The following SIMC1 variants were observed in gnomAD, a reference collection of about 807,000 sequenced individuals.
The protein encoded by SIMC1 is SUMO interacting motifs containing 1, also known as SUMO-interacting motif-containing protein 1.
Under a neutral mutation model 82.3 loss-of-function variants are expected in SIMC1, and 55 were observed. The ratio of observed to expected loss-of-function variants is 0.67; its 90% CI spans 0.54 to 0.84. SIMC1 has a LOEUF of 0.84. Among genes scored for constraint, SIMC1 ranks in the 40% least tolerant of loss-of-function variants. The probability of loss-of-function intolerance (pLI) is 0.00; values close to 1 mark genes in which losing one functional copy is unlikely to be tolerated. For synonymous variants in SIMC1, 353 were observed against 426.3 expected, an observed-to-expected ratio of 0.83 and a Z score of 2.12; for missense variants, 915 against 1,107.2, an observed-to-expected ratio of 0.83 and a Z score of 2.46.
At chr5:176,268,460 A>G (rs1228788894) in intron 1 of SIMC1, among the ~76,000 whole-genome samples, 2 of 136,136 alleles carry the variant, frequency 1.5e-5, no homozygotes, top group Non-Finnish European at 1.5e-5. Flanking sequence ...AGATGCAAAT[A>G]CACTGAGAGT....
At chr5:176,269,458 C>G (rs1409964038) in intron 1 of SIMC1, among the ~76,000 whole-genome samples, 1 of 152,198 alleles carries the variant, frequency 6.6e-6, no homozygotes, top group African/African-American at 2.4e-5. Flanking sequence ...AGTCATAAAA[C>G]TAACACAAGA....
At position 176,330,668 on chromosome 5, in the gene SIMC1, C is replaced by A. The variant is rs1765608779; in HGVS notation, c.2171+5911C>A. On this transcript the variant is annotated intron_variant, in intron 7 of 9. Transcript: ENST00000429602. ...AAAATAGGAATCTGTGATTCCAGTG[C>A]TGATAGGAAGAAAGAGACGGGACCC... Among the ~76,000 whole-genome samples, 3 of 151,996 alleles carry A rather than the reference C, an allele frequency of 2.0e-5. No individual in the cohort carries two copies. In the South Asian group the frequency reaches 6.2e-4, roughly 32 times the overall value.
chr5:176,241,961 C>CACAT (rs1189469698), intron 1 of SIMC1, among the ~76,000 whole-genome samples: 1 of 152,040 alleles, frequency 6.6e-6, no homozygotes, highest in Non-Finnish European at 1.5e-5. Flanking sequence ...TTCTTGAGAG[C>CACAT]ACATCCAGCA....
chr5:176,257,689 T>C (rs577053804), intron 1 of SIMC1, among the ~76,000 whole-genome samples: 25 of 152,312 alleles, frequency 1.6e-4, no homozygotes, highest in African/African-American at 4.8e-4. Flanking sequence ...TATGTACGTA[T>C]GTGTCTCCTT....
chr5:176,308,969 C>T (rs1198666137), intron 4 of SIMC1: 8 of 944,670 alleles, frequency 8.5e-6, no homozygotes, highest in Admixed American at 5.1e-5. Context: ...GGAATTGCAA[C>T]AAGAAAAGGA....
intron 1 of SIMC1, among the ~76,000 whole-genome samples, chr5:176,262,869 T>A (rs1762064730): frequency 6.6e-6 from 1 of 151,902 alleles, no homozygotes; most frequent in Non-Finnish European, 1.5e-5. Context: ...ACTGAAGACA[T>A]GATTTGTCTA....
At chr5:176,273,398 C>T (rs1400056592) in intron 1 of SIMC1, among the ~76,000 whole-genome samples, 1 of 152,136 alleles carries the variant, frequency 6.6e-6, no homozygotes, top group Non-Finnish European at 1.5e-5. Context: ...AACTAACAAA[C>T]AGAAAGGACA....
rs1220285483 is a variant in SIMC1 at position 176,274,847 on chromosome 5, G to C, written c.130-14807G>C. On this transcript the variant is annotated intron_variant, in intron 1 of 9. Transcript: ENST00000429602. Reference sequence around the variant, plus strand: ...GCGGCATTATTTCTCTCTCTGTTTTGGTACCAGTACCATGCTCTTTTGGTT... The same window carrying C: ...GCGGCATTATTTCTCTCTCTGTTTTCGTACCAGTACCATGCTCTTTTGGTT... Among the ~76,000 whole-genome samples the C allele has an allele frequency of 3.3e-5, 5 of 151,214 alleles. No individual in the cohort carries two copies. The South Asian group carries it at 6.3e-4, about 19-fold the overall frequency.
At chr5:176,318,529 A>C (rs891440464) in intron 5 of SIMC1, among the ~76,000 whole-genome samples, 1 of 152,128 alleles carries the variant, frequency 6.6e-6, no homozygotes, top group African/African-American at 2.4e-5. Flanking sequence ...TAAATTTGAG[A>C]GTCCTCTTTA....
intron 4 of SIMC1, among the ~76,000 whole-genome samples, chr5:176,306,679 C>T (rs1029393251): frequency 6.6e-6 from 1 of 151,642 alleles, no homozygotes; most frequent in Non-Finnish European, 1.5e-5. Flanking sequence ...AAGGGCGGTG[C>T]AAGATGTGCT....
intron 1 of SIMC1, among the ~76,000 whole-genome samples, chr5:176,273,373 G>C (rs1762532012): frequency 1.3e-5 from 2 of 152,170 alleles, no homozygotes; most frequent in East Asian, 1.9e-4. Flanking sequence ...TAAGGGTCCT[G>C]ACTGTTAGAA....
At chr5:176,339,099 C>T (rs1218202037) in intron 9 of SIMC1, among the ~76,000 whole-genome samples, 1 of 152,184 alleles carries the variant, frequency 6.6e-6, no homozygotes, top group South Asian at 2.1e-4. Flanking sequence ...CATGGTGGCT[C>T]ACGCCTGTAA....
At chr5:176,336,157 G>T (rs947155201) in intron 7 of SIMC1, among the ~76,000 whole-genome samples, 1 of 151,994 alleles carries the variant, frequency 6.6e-6, no homozygotes, top group South Asian at 2.1e-4. Context: ...TACCTCCTGC[G>T]TTGAGCCTTT....
chr5:176,275,153 G>C (rs1204937416), intron 1 of SIMC1, among the ~76,000 whole-genome samples: 2 of 151,412 alleles, frequency 1.3e-5, no homozygotes, highest in African/African-American at 4.8e-5. Context: ...TTATTTCCTT[G>C]AGCAGTGGTT....
chr5:176,295,024 C>T lies in SIMC1; in HGVS notation c.1432-6C>T, dbSNP rs1366997041. 2 of 1,577,066 alleles carry T rather than the reference C, an allele frequency of 1.3e-6. No individual in the cohort carries two copies. Among genetic ancestry groups the T allele is most frequent in the African/African-American group, 2.7e-5 (2 of 73,216 alleles). Reference sequence around the variant, plus strand: ...CTCCTAATTTCCTTCTTTTTAATCTCTACAGAACAAGGGTCAAAAATTAGA... The same window carrying T: ...CTCCTAATTTCCTTCTTTTTAATCTTTACAGAACAAGGGTCAAAAATTAGA... On this transcript the variant is annotated splice_region_variant and splice_polypyrimidine_tract_variant and intron_variant, in intron 2 of 9. Coordinates refer to ENST00000429602, the MANE Select transcript of SIMC1 (RefSeq NM_001308195.2).
rs1418745477 is a variant in SIMC1 at position 176,239,928 on chromosome 5, TTGGA to T, written c.129+1294_129+1297del. On this transcript the variant is annotated intron_variant, in intron 1 of 9. Coordinates refer to ENST00000429602, the MANE Select transcript of SIMC1 (RefSeq NM_001308195.2). Reference sequence around the variant, plus strand: ...ATAATAGATGCACAATAAGTATTTGTTGGATGAAGGAACGATTGAAAGAATATGG... The same window carrying T: ...ATAATAGATGCACAATAAGTATTTGTTGAAGGAACGATTGAAAGAATATGG... Among the ~76,000 whole-genome samples the T allele has an allele frequency of 3.4e-5, 3 of 88,364 alleles. 1 individual carries two copies. In the East Asian group the frequency reaches 8.7e-4, roughly 26 times the overall value. The allele number at this position is 88,364 out of a possible 152,430, so 58.0% of individuals were successfully genotyped here.
intron 1 of SIMC1, among the ~76,000 whole-genome samples, chr5:176,263,952 AAAAT>A (rs1762103077): frequency 6.6e-6 from 1 of 152,248 alleles, no homozygotes; most frequent in African/African-American, 2.4e-5. Context: ...CAGAAGGAAA[AAAAT>A]GGCCAAAAGA....
chr5:176,304,962 C>G (rs1438097743), intron 4 of SIMC1, among the ~76,000 whole-genome samples: 1 of 121,866 alleles, frequency 8.2e-6, no homozygotes, highest in Non-Finnish European at 1.8e-5. Flanking sequence ...ACCACCCCGT[C>G]TGAGAAGTGA....
At chr5:176,270,443 C>T (rs1430053050) in intron 1 of SIMC1, 1 of 152,064 alleles carries the variant, frequency 6.6e-6, no homozygotes, top group African/African-American at 2.4e-5. Context: ...AACCCTCCAG[C>T]ATTTGTCCCC....
Sources: allele counts gnomAD v4.1 joint callset (sites outside exome capture counted in the v4.1 genomes callset), GRCh38; gene constraint gnomAD v4.1.1; transcripts MANE v1.5; gene names NCBI Gene and HGNC (gene_info 2026-07-23, HGNC 2026-07-21).